Variants in XIRP2 observed in about 807,000 individuals in gnomAD.
XIRP2 encodes the protein xin actin-binding repeat-containing protein 2.
Under a neutral mutation model 277.0 loss-of-function variants are expected in XIRP2, and 236 were observed. That is an observed-to-expected ratio of 0.85 (90% CI 0.77 to 0.95). The LOEUF is 0.95. Ranked by LOEUF, XIRP2 falls within the 40% of genes least tolerant of loss-of-function variation. The pLI is 0.00. For missense variants in XIRP2, 4,640 were observed against 4,157.5 expected (o/e 1.12, Z -3.19); for synonymous variants, 1,490 against 1,416.5 (o/e 1.05, Z -1.17).
intron 2 of XIRP2, among the ~76,000 whole-genome samples, chr2:167,121,612 A>T (rs997065080): frequency 6.6e-6 from 1 of 152,172 alleles, no homozygotes; most frequent in Non-Finnish European, 1.5e-5. Context: ...TTCTTTTAAG[A>T]GTGGATATAG....
rs374315975 is a variant in XIRP2, at chr2:167,241,860, A to G, written c.1126A>G (p.Lys376Glu). The G allele has an allele frequency of 5.2e-5, 84 of 1,613,656 alleles. No homozygotes were observed. The highest frequency in any genetic ancestry group is 7.0e-5 in the Non-Finnish European group (83 of 1,179,744). The change falls in exon 8 of 11, where the codon AAG becomes GAG. Residue 376 changes from lysine to glutamate, a missense_variant. By Grantham distance (56) the Lys-to-Glu change is moderately conservative. Coordinates refer to ENST00000409195, the MANE Select transcript of XIRP2 (RefSeq NM_152381.6). The stretch of plus-strand genomic sequence containing the variant: ...GCAGTTTGAAAAGTCTGCCCAGGAA[A>G]AGATCCTTTATTCTGACAAAGAGAT... ...KEQFEKSAQE[K>E]ILYSDKEMTT... is the part of the protein sequence containing the mutation.
chr2:167,176,610 C>G (rs543193165), intron 3 of XIRP2, among the ~76,000 whole-genome samples: 8 of 152,246 alleles, frequency 5.3e-5, no homozygotes, highest in African/African-American at 1.9e-4. Context: ...TACTGGACAT[C>G]TTGTGTAAAG....
At chr2:166,951,266 A>G (rs1686023929) in intron 2 of XIRP2, among the ~76,000 whole-genome samples, 1 of 152,066 alleles carries the variant, frequency 6.6e-6, no homozygotes, top group Non-Finnish European at 1.5e-5. Context: ...AAGAAGTTGA[A>G]TTGGCTCATG....
At chr2:167,128,103 A>C (rs1485799233) in intron 2 of XIRP2, among the ~76,000 whole-genome samples, 1 of 152,182 alleles carries the variant, frequency 6.6e-6, no homozygotes, top group Non-Finnish European at 1.5e-5. Flanking sequence ...TCTCAATTAG[A>C]ATATCTAGAA....
At chr2:167,058,650 A>G (rs1412887669) in intron 2 of XIRP2, among the ~76,000 whole-genome samples, 1 of 152,146 alleles carries the variant, frequency 6.6e-6, no homozygotes, top group African/African-American at 2.4e-5. Flanking sequence ...GGGCCACTTT[A>G]TAGCATGGCT....
At chr2:167,131,767 C>T (rs1691384265) in intron 2 of XIRP2, among the ~76,000 whole-genome samples, 2 of 152,100 alleles carry the variant, frequency 1.3e-5, no homozygotes, top group Admixed American at 1.3e-4. Flanking sequence ...GTTTCAATTA[C>T]CACGGAAGGC....
chr2:166,963,737 T>C (rs1686357703), intron 2 of XIRP2, among the ~76,000 whole-genome samples: 1 of 151,794 alleles, frequency 6.6e-6, no homozygotes, highest in Non-Finnish European at 1.5e-5. Flanking sequence ...AGAGCACTCA[T>C]AGCATGGGAA....
intron 2 of XIRP2, among the ~76,000 whole-genome samples, chr2:166,922,196 C>T (rs1685060925): frequency 6.6e-6 from 1 of 152,110 alleles, no homozygotes; most frequent in Non-Finnish European, 1.5e-5. Context: ...TCAGAAGCAC[C>T]TTTCCTTCCC....
At chr2:167,015,696 G>A (rs1434696768) in intron 2 of XIRP2, among the ~76,000 whole-genome samples, 2 of 151,628 alleles carry the variant, frequency 1.3e-5, no homozygotes, top group African/African-American at 4.8e-5. Flanking sequence ...GAAATGGAGA[G>A]CCAGAAAGAG....
intron 2 of XIRP2, among the ~76,000 whole-genome samples, chr2:167,053,315 G>A (rs1047774288): frequency 2.0e-5 from 3 of 152,088 alleles, no homozygotes; most frequent in Non-Finnish European, 2.9e-5. Flanking sequence ...GTGTTTATTT[G>A]TAGATATGTG....
chr2:167,033,754 T>C (rs926469072), intron 2 of XIRP2, among the ~76,000 whole-genome samples: 1 of 151,872 alleles, frequency 6.6e-6, no homozygotes, highest in Non-Finnish European at 1.5e-5. Context: ...AAGGAAAAAA[T>C]ATCTTATAAT....
chr2:166,934,195 CAAAAAAAA>C (rs750753001), intron 2 of XIRP2, among the ~76,000 whole-genome samples: 1 of 71,570 alleles, frequency 1.4e-5, no homozygotes, highest in Non-Finnish European at 2.9e-5. Context: ...AAATCAACAG[CAAAAAAAA>C]AAAAAAAAAA....
In XIRP2 at chr2:167,136,093, A is replaced by C. The variant is rs201415524; in HGVS notation, c.562+31A>C. The C allele has an allele frequency of 5.1e-6, 8 of 1,561,688 alleles. No individual in the cohort carries two copies. In the East Asian group the frequency reaches 1.8e-4, roughly 35 times the overall value. On this transcript the variant is annotated intron_variant, in intron 3 of 10. Transcript: ENST00000409195. ...CATAACATTTTGATATGCTTTCTTGACATCATACCTTGTACAACATGAGTG... is the reference window on the plus strand; with the variant it reads ...CATAACATTTTGATATGCTTTCTTGCCATCATACCTTGTACAACATGAGTG...
At position 167,257,997 on chromosome 2, in the gene XIRP2, G is replaced by A. The variant is rs374283695; in HGVS notation, c.*180G>A. Reference sequence around the variant, plus strand: ...AGATGGAACTGCAAAAACCAAAGCAGATCAGTGGACTTTATTCCTAATGAA... The same window carrying A: ...AGATGGAACTGCAAAAACCAAAGCAAATCAGTGGACTTTATTCCTAATGAA... On this transcript the variant is annotated 3_prime_UTR_variant, in exon 11 of 11. Coordinates refer to ENST00000409195, the MANE Select transcript of XIRP2 (RefSeq NM_152381.6). The A allele has an allele frequency of 3.3e-5, 54 of 1,613,028 alleles. No homozygotes were observed. The highest frequency in any genetic ancestry group is 4.1e-5 in the Non-Finnish European group (48 of 1,179,476).
chr2:166,906,467 T>C (rs566354503), intron 2 of XIRP2, among the ~76,000 whole-genome samples: 2 of 152,224 alleles, frequency 1.3e-5, no homozygotes, highest in South Asian at 4.1e-4. Flanking sequence ...TGTATGTATA[T>C]TTACTTGTAA....
chr2:166,987,350 A>G (rs1687033264), intron 2 of XIRP2, among the ~76,000 whole-genome samples: 1 of 152,182 alleles, frequency 6.6e-6, no homozygotes. Context: ...GACTTGGAGA[A>G]GGCAATAACA....
intron 2 of XIRP2, among the ~76,000 whole-genome samples, chr2:166,969,226 C>G (rs1239024628): frequency 6.6e-6 from 1 of 152,034 alleles, no homozygotes; most frequent in Admixed American, 6.6e-5. Flanking sequence ...ACTTCCAAAA[C>G]AGTCACAGTG....
At chr2:167,124,644 A>C (rs1691149165) in intron 2 of XIRP2, 1 of 152,214 alleles carries the variant, frequency 6.6e-6, no homozygotes, top group South Asian at 2.1e-4. Context: ...AAGTGACTAG[A>C]GTACGAAGCA....
At chr2:167,146,991 G>T (rs1691880665) in intron 3 of XIRP2, among the ~76,000 whole-genome samples, 2 of 151,986 alleles carry the variant, frequency 1.3e-5, no homozygotes, top group Admixed American at 1.3e-4. Flanking sequence ...AATAATTTTT[G>T]ACTTCCAATT....
Sources: allele counts gnomAD v4.1 joint callset (sites outside exome capture counted in the v4.1 genomes callset), GRCh38; gene constraint gnomAD v4.1.1; transcripts MANE v1.5; gene names NCBI Gene and HGNC (gene_info 2026-07-23, HGNC 2026-07-21).